Variants in C13orf42 observed in about 807,000 individuals in gnomAD.
C13orf42 encodes the protein chromosome 13 open reading frame 42.
At chr13:51,094,355 A>T (rs1953210919) in intron 1 of C13orf42, among the ~76,000 whole-genome samples, 1 of 152,240 alleles carries the variant, frequency 6.6e-6, no homozygotes, top group African/African-American at 2.4e-5. Context: ...AAATAAAAAA[A>T]TCTTGAGTTC....
At chr13:51,098,233 C>T (rs957953766) in intron 1 of C13orf42, among the ~76,000 whole-genome samples, 2 of 152,076 alleles carry the variant, frequency 1.3e-5, no homozygotes, top group Non-Finnish European at 2.9e-5. Context: ...TGTTCATTTT[C>T]TTCTGGGCTC....
intron 1 of C13orf42, among the ~76,000 whole-genome samples, chr13:51,093,212 T>C (rs1404091680): frequency 6.6e-6 from 1 of 152,232 alleles, no homozygotes; most frequent in East Asian, 1.9e-4. Flanking sequence ...GGTGATTTAA[T>C]TGAAGAATCT....
chr13:51,113,737 T>C (rs978244649), upstream of C13orf42, among the ~76,000 whole-genome samples: 2 of 152,136 alleles, frequency 1.3e-5, no homozygotes, highest in Non-Finnish European at 2.9e-5. Context: ...AGCCACAAAG[T>C]GTATCACAAA....
intron 1 of C13orf42, among the ~76,000 whole-genome samples, chr13:51,137,199 T>C (rs192369020): frequency 6.6e-6 from 1 of 152,234 alleles, no homozygotes; most frequent in Non-Finnish European, 1.5e-5. Flanking sequence ...ACAGTACATA[T>C]GTTTATATAG....
intron 1 of C13orf42, among the ~76,000 whole-genome samples, chr13:51,159,692 G>T (rs919790141): frequency 6.6e-6 from 1 of 152,104 alleles, no homozygotes; most frequent in Non-Finnish European, 1.5e-5. Context: ...AGTCTCACTC[G>T]CCATAAAGCT....
chr13:51,103,688 A>T (rs1953317473), intron 1 of C13orf42, among the ~76,000 whole-genome samples: 1 of 146,470 alleles, frequency 6.8e-6, no homozygotes, highest in African/African-American at 2.6e-5. Context: ...GCCACAGTGC[A>T]AGACTCTGTC....
At chr13:51,102,112 T>C (rs1593533416) in intron 1 of C13orf42, among the ~76,000 whole-genome samples, 1 of 152,322 alleles carries the variant, frequency 6.6e-6, no homozygotes, top group East Asian at 1.9e-4. Flanking sequence ...TTGCAGTTCA[T>C]ATTGAATTTT....
At chr13:51,152,311 T>C (rs1205321057) in intron 1 of C13orf42, among the ~76,000 whole-genome samples, 1 of 152,214 alleles carries the variant, frequency 6.6e-6, no homozygotes, top group Non-Finnish European at 1.5e-5. Context: ...AGGCTTTATT[T>C]TATAAACACT....
intron 1 of C13orf42, chr13:51,161,938 G>A: frequency 2.0e-6 from 1 of 491,778 alleles, no homozygotes; most frequent in Non-Finnish European, 4.0e-6. Context: ...GACCATCAGT[G>A]CTTCCCACGT....
At chr13:51,101,658 G>T (rs1953293206) in intron 1 of C13orf42, among the ~76,000 whole-genome samples, 1 of 152,188 alleles carries the variant, frequency 6.6e-6, no homozygotes, top group South Asian at 2.1e-4. Flanking sequence ...CTAAAACCGT[G>T]CTAAAGGTCG....
At chr13:51,103,007 G>T (rs115988584) in intron 1 of C13orf42, among the ~76,000 whole-genome samples, 1,973 of 152,186 alleles carry the variant, frequency 0.013, 39 homozygotes, top group African/African-American at 0.043. Flanking sequence ...CCCTTGACAC[G>T]TGGGGATTAC....
chr13:51,096,814 G>C (rs543022137), intron 1 of C13orf42, among the ~76,000 whole-genome samples: 2 of 151,924 alleles, frequency 1.3e-5, no homozygotes, highest in East Asian at 3.9e-4. Context: ...TTTTCTTTTT[G>C]CTTTAATATT....
At chr13:51,135,126 T>C (rs1953647806) in intron 1 of C13orf42, among the ~76,000 whole-genome samples, 1 of 152,172 alleles carries the variant, frequency 6.6e-6, no homozygotes, top group South Asian at 2.1e-4. Flanking sequence ...GCTGCACCTG[T>C]GGCTGTCAGA....
rs192801949 is a variant in C13orf42, at chr13:51,147,597, C to A, written n.136+24656G>T. On this transcript the variant is annotated intron_variant and non_coding_transcript_variant, in intron 1 of 4. Transcript: ENST00000433280. ...CACAAAAATTAGCCGGGCATGATGG[C>A]GGGTGCCTGTAATCCCAGCTACTCG... Among the ~76,000 whole-genome samples the A allele has an allele frequency of 1.2e-4, 18 of 152,192 alleles. No homozygotes were observed. The East Asian group carries it at 3.3e-3, about 28-fold the overall frequency.
At chr13:51,165,542 A>G (rs1322459408) in intron 1 of C13orf42, among the ~76,000 whole-genome samples, 1 of 141,792 alleles carries the variant, frequency 7.1e-6, no homozygotes, top group East Asian at 2.0e-4. Context: ...AGTAAAGGAG[A>G]ACAAGAGGAA....
At chr13:51,155,093 T>C (rs1232041053) in intron 1 of C13orf42, among the ~76,000 whole-genome samples, 1 of 152,216 alleles carries the variant, frequency 6.6e-6, no homozygotes, top group Non-Finnish European at 1.5e-5. Context: ...TCCTGGATGA[T>C]GCTCAATTTA....
intron 1 of C13orf42, among the ~76,000 whole-genome samples, chr13:51,090,657 C>G (rs76517277): frequency 0.038 from 5,708 of 152,174 alleles, 342 homozygotes; most frequent in African/African-American, 0.13. Context: ...GTGATTCAGT[C>G]CTAAGTGTCT....
At chr13:51,118,591 T>G (rs960714790) in intron 1 of C13orf42, among the ~76,000 whole-genome samples, 3 of 152,180 alleles carry the variant, frequency 2.0e-5, no homozygotes, top group Non-Finnish European at 2.9e-5. Flanking sequence ...TGGTGGTTTT[T>G]TTTACACAGG....
chr13:51,120,869 C>A (rs1277183649), intron 1 of C13orf42, among the ~76,000 whole-genome samples: 1 of 152,064 alleles, frequency 6.6e-6, no homozygotes, highest in Non-Finnish European at 1.5e-5. Context: ...CAAAAATTAG[C>A]CAAGCATGGT....
Sources: gnomAD v4.1 joint callset for allele counts (sites outside exome capture counted in the v4.1 genomes callset) on GRCh38, gnomAD v4.1.1 for gene constraint, MANE v1.5 for transcripts, NCBI Gene and HGNC (gene_info 2026-07-23, HGNC 2026-07-21) for gene names.